Variants in OPRM1 observed in about 807,000 individuals in gnomAD.
OPRM1 encodes the protein mu-type opioid receptor.
In OPRM1, 27 loss-of-function variants were observed where a neutral mutation model predicts 31.8. That is an observed-to-expected ratio of 0.85 (90% CI 0.63 to 1.17). The LOEUF is 1.17. Ranked by LOEUF, OPRM1 falls within the 50% of genes most tolerant of loss-of-function variation. The pLI, the probability that OPRM1 is intolerant of heterozygous loss-of-function variation, is 0.00. For missense variants in OPRM1, 536 were observed against 511.1 expected (o/e 1.05, Z -0.47); for synonymous variants, 196 against 189.9 (o/e 1.03, Z -0.26).
At chr6:154,188,109 TA>T (rs1801543497) in intron 3 of OPRM1, among the ~76,000 whole-genome samples, 3 of 152,152 alleles carry the variant, frequency 2.0e-5, no homozygotes, top group Non-Finnish European at 4.4e-5. Flanking sequence ...ATCATATACA[TA>T]AAAAAATTTA....
In OPRM1 at chr6:154,122,375, A is replaced by G. The variant is rs188792757; in HGVS notation, c.*3654A>G. 6.5e-3 allele frequency among the ~76,000 whole-genome samples: 994 copies of G among 152,256 alleles called. 9 individuals carry two copies. Among genetic ancestry groups the G allele is most frequent in the Non-Finnish European group, 7.4e-3 (505 of 68,016 alleles). On this transcript the variant is annotated 3_prime_UTR_variant, in exon 4 of 4. Transcript: ENST00000330432. ...TGCTTGGTTTCAGAAGAGTGAGAAC[A>G]TGAAAGTTCATAAATGCCTGGGCCA...
intron 3 of OPRM1, among the ~76,000 whole-genome samples, chr6:154,151,803 C>A (rs1324492885): frequency 6.6e-6 from 1 of 152,022 alleles, no homozygotes; most frequent in Non-Finnish European, 1.5e-5. Context: ...TCCTAGAATA[C>A]GTGACTGGAA....
chr6:154,187,437 G>A (rs1382046365), intron 3 of OPRM1, among the ~76,000 whole-genome samples: 7 of 152,152 alleles, frequency 4.6e-5, no homozygotes, highest in African/African-American at 1.7e-4. Context: ...CTCATGGCAT[G>A]GTGCTTGGCA....
intron 3 of OPRM1, among the ~76,000 whole-genome samples, chr6:154,150,658 C>T (rs1798476297): frequency 2.0e-5 from 3 of 152,230 alleles, no homozygotes; most frequent in Non-Finnish European, 4.4e-5. Context: ...CCTGGGGATT[C>T]ACATTTCTCA....
chr6:154,148,326 C>T (rs1027563605), intron 3 of OPRM1, among the ~76,000 whole-genome samples: 1 of 152,182 alleles, frequency 6.6e-6, no homozygotes, highest in African/African-American at 2.4e-5. Context: ...AATCAAGTTG[C>T]CAACAAGTAT....
chr6:154,174,401 T>C (rs958179167), intron 3 of OPRM1, among the ~76,000 whole-genome samples: 3 of 152,004 alleles, frequency 2.0e-5, no homozygotes, highest in African/African-American at 7.3e-5. Flanking sequence ...TCAAGACCCA[T>C]CAGTGTGCTA....
chr6:154,102,918 CAAA>C (rs58694186), intron 3 of OPRM1, among the ~76,000 whole-genome samples: 8 of 80,796 alleles, frequency 9.9e-5, no homozygotes, highest in African/African-American at 2.2e-4. Context: ...TAACCAGTTG[CAAA>C]AAAAAAAAAA....
At chr6:154,140,421 C>T (rs1798170419) in intron 3 of OPRM1, among the ~76,000 whole-genome samples, 1 of 151,882 alleles carries the variant, frequency 6.6e-6, no homozygotes, top group African/African-American at 2.4e-5. Flanking sequence ...ACCTCCATCT[C>T]CCAGGTTCAA....
chr6:154,093,649 C>A, intron 3 of OPRM1: 2 of 999,136 alleles, frequency 2.0e-6, no homozygotes, highest in Non-Finnish European at 2.8e-6. Context: ...GAAGCAGTAT[C>A]AGTGTAAGAT....
intron 3 of OPRM1, among the ~76,000 whole-genome samples, chr6:154,100,726 A>G (rs554895512): frequency 1.3e-5 from 2 of 151,898 alleles, no homozygotes; most frequent in African/African-American, 2.4e-5. Context: ...ATCAGCTACC[A>G]TCTACTATTC....
At chr6:154,179,314 T>C (rs1800634024) in intron 3 of OPRM1, among the ~76,000 whole-genome samples, 1 of 152,236 alleles carries the variant, frequency 6.6e-6, no homozygotes, top group Non-Finnish European at 1.5e-5. Flanking sequence ...GGCTTTTCAG[T>C]AAAGCAGTAT....
chr6:154,222,833 A>G (rs1378942412), intron 3 of OPRM1: 2 of 315,294 alleles, frequency 6.3e-6, no homozygotes, highest in East Asian at 1.3e-4. Context: ...GTCCTATTTA[A>G]CTGCTTGTTT....
At chr6:154,091,927 A>T (rs1792344284) in intron 3 of OPRM1, 3 of 987,016 alleles carry the variant, frequency 3.0e-6, no homozygotes, top group Non-Finnish European at 3.6e-6. Flanking sequence ...GTGGTCATGG[A>T]TGCAAGATAT....
rs113269203 is a variant in OPRM1, at chr6:154,122,157, A to G, written c.*3436A>G. ...TTTTCAGCTTCTTAACTGGCCACAC[A>G]CACACAAGTTGTGTTTGTACAATTC... On this transcript the variant is annotated 3_prime_UTR_variant, in exon 4 of 4. Coordinates refer to ENST00000330432, the MANE Select transcript of OPRM1 (RefSeq NM_000914.5). Among the ~76,000 whole-genome samples, 947 of 152,328 alleles carry G rather than the reference A, an allele frequency of 6.2e-3. 11 individuals are homozygous for G. Among genetic ancestry groups the G allele is most frequent in the African/African-American group, 0.022 (895 of 41,582 alleles).
intron 3 of OPRM1, among the ~76,000 whole-genome samples, chr6:154,102,918 CAAAAAAAAA>C (rs58694186): frequency 1.2e-5 from 1 of 80,798 alleles, no homozygotes; most frequent in Admixed American, 1.4e-4. Flanking sequence ...TAACCAGTTG[CAAAAAAAAA>C]AAAAAAAAAC....
chr6:154,230,192 G>A (rs987991400), intron 3 of OPRM1, among the ~76,000 whole-genome samples: 1 of 152,038 alleles, frequency 6.6e-6, no homozygotes, highest in African/African-American at 2.4e-5. Flanking sequence ...ATTTGAATAG[G>A]GTGAACTTTA....
At chr6:154,241,234 C>CAAAA (rs11308882) in intron 3 of OPRM1, among the ~76,000 whole-genome samples, 6 of 79,188 alleles carry the variant, frequency 7.6e-5, no homozygotes, top group East Asian at 4.1e-4. Flanking sequence ...GACTCCATCT[C>CAAAA]AAAAAAAAAA....
chr6:154,096,674 T>G (rs531370534), intron 3 of OPRM1, among the ~76,000 whole-genome samples: 1 of 152,136 alleles, frequency 6.6e-6, no homozygotes, highest in Non-Finnish European at 1.5e-5. Context: ...TGTAAGAAAA[T>G]GCTCAGGGAA....
rs775354023 is a variant in OPRM1 at position 154,167,961 on chromosome 6, C to T, written c.1164+76489C>T. 1.2e-5 allele frequency: 20 copies of T among 1,603,812 alleles called. No individual in the cohort carries two copies. The highest frequency in any genetic ancestry group is 5.5e-5 in the South Asian group (5 of 90,150). The stretch of plus-strand genomic sequence containing the variant: ...AATGTTCGGATTTTGTGGAGTTTCT[C>T]GTTTATAGATGGATTTTTACACCGC... On this transcript the variant is annotated intron_variant, in intron 3 of 3. Coordinates refer to the OPRM1 transcript ENST00000337049.
Sources: allele counts gnomAD v4.1 joint callset (sites outside exome capture counted in the v4.1 genomes callset), GRCh38; gene constraint gnomAD v4.1.1; transcripts MANE v1.5; gene names NCBI Gene and HGNC (gene_info 2026-07-23, HGNC 2026-07-21).